Variants in PARVG observed in about 807,000 individuals in gnomAD.
The protein encoded by PARVG is gamma-parvin.
PARVG carries 36 observed loss-of-function variants against 44.4 expected under a neutral mutation model. The ratio of observed to expected loss-of-function variants is 0.81; its 90% confidence interval spans 0.62 to 1.07. The LOEUF (loss-of-function observed/expected upper bound fraction) is 1.07, where lower values mean the gene tolerates loss of function less well. Among genes scored for constraint, PARVG ranks in the 50% least tolerant of loss-of-function variants. The probability of loss-of-function intolerance (pLI) is 0.00; values close to 1 mark genes in which losing one functional copy is unlikely to be tolerated. For synonymous variants in PARVG, 170 were observed against 174.1 expected, an observed-to-expected ratio of 0.98 and a Z score of 0.19; for missense variants, 407 against 407.4, an observed-to-expected ratio of 1.00 and a Z score of 0.01.
intron 9 of PARVG, among the ~76,000 whole-genome samples, chr22:44,195,041 G>T (rs2054600337): frequency 6.6e-6 from 1 of 152,176 alleles, no homozygotes; most frequent in South Asian, 2.1e-4. Flanking sequence ...GATGCTATGA[G>T]GGGCACCTTC....
rs766280239 is a variant in PARVG, at chr22:44,206,309, G to C, written c.887-8G>C. 10 of 1,609,748 alleles carry C rather than the reference G, an allele frequency of 6.2e-6. No homozygotes were observed. The highest frequency in any genetic ancestry group is 8.5e-6 in the Non-Finnish European group (10 of 1,176,536). On this transcript the variant is annotated splice_polypyrimidine_tract_variant and splice_region_variant and intron_variant, in intron 13 of 13. Transcript: ENST00000444313. ...TGACTGGCTGCCCTGCCCTCCTTTG[G>C]CCCGCAGATATCGTGAACAAGGATG...
upstream of PARVG, among the ~76,000 whole-genome samples, chr22:44,176,194 G>A (rs2147211490): frequency 6.6e-6 from 1 of 152,266 alleles, no homozygotes; most frequent in Admixed American, 6.5e-5. Flanking sequence ...GACCCTGGAG[G>A]ATACCAAAAT....
upstream of PARVG, among the ~76,000 whole-genome samples, chr22:44,176,736 TC>T (rs1405410587): frequency 6.6e-6 from 1 of 152,116 alleles, no homozygotes. Flanking sequence ...TGTGTATTAA[TC>T]CATTCTCATG....
At chr22:44,196,481 T>C in intron 11 of PARVG, 66 bp downstream of exon 11, 2 of 1,580,634 alleles carry the variant, frequency 1.3e-6, no homozygotes, top group Non-Finnish European at 1.7e-6. Flanking sequence ...GAAAGAGGGT[T>C]CTGCAGGCCC....
rs368402726 is a variant in PARVG at position 44,205,854 on chromosome 22, C to A, written c.886+25C>A. 18 of 1,609,190 alleles carry A rather than the reference C, an allele frequency of 1.1e-5. No homozygotes were observed. In the East Asian group the frequency reaches 3.8e-4, roughly 34 times the overall value. On this transcript the variant is annotated intron_variant, in intron 13 of 13. Transcript: ENST00000444313. ...GGTGAGTGCAAGGCAGATGCCCACACGGTGGCCAGCCCTGGGTGGCAGCCT... is the reference window on the plus strand; with the variant it reads ...GGTGAGTGCAAGGCAGATGCCCACAAGGTGGCCAGCCCTGGGTGGCAGCCT...
At chr22:44,188,926 G>A in intron 5 of PARVG, 188 bp from the exon 6 acceptor site, 1 of 667,306 alleles carries the variant, frequency 1.5e-6, no homozygotes, top group Non-Finnish European at 2.5e-6. Context: ...GTAGATGAGG[G>A]TCTCCTGGAA....
In PARVG at chr22:44,204,791, G is replaced by A. The variant is rs1601750993; in HGVS notation, c.814-966G>A. On this transcript the variant is annotated intron_variant, in intron 12 of 13. Transcript: ENST00000444313. ...ACGGGTGGCTAAGACATTGAAGGGAGGACCTGTTTGAGGTCACAGTGAACC... is the reference window on the plus strand; with the variant it reads ...ACGGGTGGCTAAGACATTGAAGGGAAGACCTGTTTGAGGTCACAGTGAACC... 2.0e-5 allele frequency among the ~76,000 whole-genome samples: 3 copies of A among 152,236 alleles called. No individual in the cohort carries two copies. In the East Asian group the frequency reaches 5.8e-4, roughly 29 times the overall value.
upstream of PARVG, among the ~76,000 whole-genome samples, chr22:44,176,987 C>T (rs1327657670): frequency 6.6e-6 from 1 of 152,104 alleles, no homozygotes; most frequent in African/African-American, 2.4e-5. Context: ...AACCCGTCCC[C>T]ATGATTCAGT....
intron 12 of PARVG, among the ~76,000 whole-genome samples, chr22:44,202,060 T>C (rs779868346): frequency 2.3e-4 from 35 of 152,210 alleles, no homozygotes; most frequent in Non-Finnish European, 2.6e-4. Flanking sequence ...TGTGGACGAA[T>C]GTGCTAGCAA....
At chr22:44,204,355 A>G (rs995985320) in intron 12 of PARVG, among the ~76,000 whole-genome samples, 1 of 152,294 alleles carries the variant, frequency 6.6e-6, no homozygotes, top group South Asian at 2.1e-4. Context: ...CCGTCATCAC[A>G]TTGGACGCAC....
At chr22:44,190,315 A>T (rs2054530596) in intron 6 of PARVG, among the ~76,000 whole-genome samples, 1 of 152,170 alleles carries the variant, frequency 6.6e-6, no homozygotes, top group Non-Finnish European at 1.5e-5. Context: ...TTGTGTCTAG[A>T]GCCCCTTCCA....
In PARVG at chr22:44,182,253, T is replaced by A. The variant is rs542256446; in HGVS notation, c.-13+336T>A. Reference sequence around the variant, plus strand: ...GGGCAGCATCGAGTCCAGGCCCTCCTTGTAACCATGCATCAGGACCAGAGA... The same window carrying A: ...GGGCAGCATCGAGTCCAGGCCCTCCATGTAACCATGCATCAGGACCAGAGA... On this transcript the variant is annotated intron_variant, in intron 2 of 13. Coordinates refer to ENST00000444313, the MANE Select transcript of PARVG (RefSeq NM_022141.7). This position sits in a 1 kb window ranked among gnomAD's most constrained non-coding sequence, Gnocchi z 4.6. Among the ~76,000 whole-genome samples the A allele has an allele frequency of 1.2e-4, 18 of 152,286 alleles. No homozygotes were observed. The highest frequency in any genetic ancestry group is 2.6e-4 in the Non-Finnish European group (18 of 68,018).
At chr22:44,180,559 G>C (rs2054361183), upstream of PARVG, among the ~76,000 whole-genome samples, 1 of 152,194 alleles carries the variant, frequency 6.6e-6, no homozygotes, top group African/African-American at 2.4e-5. Flanking sequence ...ACAAGCCCCA[G>C]TCTAGCACGG....
Position 44,206,639 on chromosome 22 carries a change from A to C in PARVG, c.*213A>C. 3.6e-6 allele frequency: 2 copies of C among 558,058 alleles called. No individual in the cohort carries two copies. Among genetic ancestry groups the C allele is most frequent in the Non-Finnish European group, 6.4e-6 (2 of 313,596 alleles). 34.6% of individuals were successfully genotyped at this position (558,058 alleles called of 1,614,324 possible). A position where few individuals can be genotyped will look rare whatever the true frequency, so the allele number is the denominator to read the frequency against. ...GCCTTGCTCAGTTTATTTTAATAAA[A>C]GTATTTCTGGGAGGGATTCTGGGAA... is the stretch of plus-strand genomic sequence containing the variant. On this transcript the variant is annotated 3_prime_UTR_variant, in exon 14 of 14. Coordinates refer to ENST00000444313, the MANE Select transcript of PARVG (RefSeq NM_022141.7).
chr22:44,196,565 G>GC, intron 11 of PARVG, 150 bp downstream of exon 11: 1 of 931,646 alleles, frequency 1.1e-6, no homozygotes, highest in Non-Finnish European at 1.6e-6. Flanking sequence ...TGGGACTGTT[G>GC]CTGGCAGGCA....
intron 1 of PARVG, 135 bp from the exon 2 acceptor site, chr22:44,181,607 C>A: frequency 4.5e-6 from 3 of 666,374 alleles, no homozygotes; most frequent in Non-Finnish European, 5.6e-6. Flanking sequence ...GAAATGAAAG[C>A]ATTGAGTTTA....
chr22:44,177,881 CTTAG>C (rs2054333827), upstream of PARVG, among the ~76,000 whole-genome samples: 2 of 152,078 alleles, frequency 1.3e-5, no homozygotes, highest in South Asian at 2.1e-4. Context: ...ATATATATTA[CTTAG>C]TTAATATAGT....
chr22:44,199,196 G>GTCCA lies in PARVG; in HGVS notation c.813+491_813+494dup, dbSNP rs940004675. ...TCCTGTCTGTTTATTCATCTACCCA[G>GTCCA]TCCATCCATCCATCCATCCACCCAC... On this transcript the variant is annotated intron_variant, in intron 12 of 13. Coordinates refer to ENST00000444313, the MANE Select transcript of PARVG (RefSeq NM_022141.7). Among the ~76,000 whole-genome samples the GTCCA allele has an allele frequency of 1.1e-4, 14 of 130,142 alleles. No homozygotes were observed. The Middle Eastern group carries it at 0.02, about 186-fold the overall frequency. 85.4% of individuals were successfully genotyped at this position (130,142 alleles called of 152,430 possible).
upstream of PARVG, among the ~76,000 whole-genome samples, chr22:44,176,102 A>G (rs2054316943): frequency 6.6e-6 from 1 of 152,126 alleles, no homozygotes; most frequent in South Asian, 2.1e-4. Context: ...CTTAAAATGT[A>G]TTGCCAAGGT....
Sources: allele counts gnomAD v4.1 joint callset (sites outside exome capture counted in the v4.1 genomes callset), GRCh38; gene constraint gnomAD v4.1.1; non-coding constraint Gnocchi (gnomAD v3.1); transcripts MANE v1.5; gene names NCBI Gene and HGNC (gene_info 2026-07-23, HGNC 2026-07-21).